The following TCF12 variants were observed in gnomAD, a reference collection of about 807,000 sequenced individuals.
The protein encoded by TCF12 is DNA-binding protein HTF4.
In TCF12, 45 loss-of-function variants were observed where a neutral mutation model predicts 86.0. That is an observed-to-expected ratio of 0.52 (90% CI 0.41 to 0.67). The LOEUF is 0.67. Ranked by LOEUF, TCF12 falls within the 30% of genes least tolerant of loss-of-function variation. The probability of loss-of-function intolerance (pLI) is 0.00; values close to 1 mark genes in which losing one functional copy is unlikely to be tolerated. For missense variants in TCF12, 881 were observed against 859.9 expected (o/e 1.02, Z -0.31); for synonymous variants, 330 against 299.6 (o/e 1.10, Z -1.05).
intron 5 of TCF12, among the ~76,000 whole-genome samples, chr15:57,117,405 A>G (rs1268051756): frequency 6.6e-6 from 1 of 152,222 alleles, no homozygotes; most frequent in Non-Finnish European, 1.5e-5. Flanking sequence ...ACTAGTAAAA[A>G]TTAGGTCTAT....
In TCF12 at chr15:56,966,117, C is replaced by T. The variant is rs1642784788; in HGVS notation, c.148+45019C>T. ...TTGATTATATGCTAATCTTTTTACA[C>T]TAGTGTGCATTTATATGTAGCATTT... On this transcript the variant is annotated intron_variant, in intron 3 of 20. Coordinates refer to ENST00000333725, the MANE Select transcript of TCF12 (RefSeq NM_207037.2). Among the ~76,000 whole-genome samples the T allele has an allele frequency of 2.6e-5, 4 of 152,128 alleles. No homozygotes were observed. The South Asian group carries it at 8.3e-4, about 32-fold the overall frequency.
intron 6 of TCF12, among the ~76,000 whole-genome samples, chr15:57,173,921 G>A (rs1193111160): frequency 2.6e-5 from 4 of 151,732 alleles, no homozygotes; most frequent in South Asian, 2.1e-4. Flanking sequence ...TTGGCCAGGC[G>A]GGTCTCAAAC....
At chr15:57,216,285 G>C (rs1401456067) in intron 8 of TCF12, among the ~76,000 whole-genome samples, 1 of 152,128 alleles carries the variant, frequency 6.6e-6, no homozygotes, top group East Asian at 1.9e-4. Flanking sequence ...CATTTTGCTA[G>C]TGTGTACAAT....
chr15:57,091,021 A>G (rs28712697), intron 4 of TCF12, among the ~76,000 whole-genome samples: 37,677 of 152,124 alleles, frequency 0.25, 5,520 homozygotes, highest in East Asian at 0.4. Flanking sequence ...GTTTTAAACT[A>G]TAAGGAGAAA....
intron 6 of TCF12, among the ~76,000 whole-genome samples, chr15:57,177,608 C>CAGAGAGAGAGAGAGAGAGAGAG (rs11270421): frequency 0.03 from 3,739 of 122,792 alleles, 260 homozygotes; most frequent in Middle Eastern, 0.04. Flanking sequence ...GTTAAAAGGC[C>CAGAGAGAGAGAGAGAGAGAGAG]AGAGAGAGAG....
chr15:57,080,349 C>T (rs1257021133), intron 4 of TCF12, among the ~76,000 whole-genome samples: 2 of 152,182 alleles, frequency 1.3e-5, no homozygotes, highest in African/African-American at 4.8e-5. Context: ...AGCAGGGGTA[C>T]TGTCTGCCTT....
chr15:57,086,804 C>T (rs1248355190), intron 4 of TCF12, among the ~76,000 whole-genome samples: 3 of 147,554 alleles, frequency 2.0e-5, no homozygotes, highest in Non-Finnish European at 4.5e-5. Context: ...GATTTTCATA[C>T]AAAGAAATAA....
chr15:57,178,848 C>T (rs1213851935), intron 6 of TCF12, among the ~76,000 whole-genome samples: 5 of 152,150 alleles, frequency 3.3e-5, no homozygotes, highest in Non-Finnish European at 5.9e-5. Flanking sequence ...CTATACATTC[C>T]TAAAGGAAAG....
chr15:57,067,961 TG>T (rs1452640664), intron 4 of TCF12, among the ~76,000 whole-genome samples: 12 of 152,218 alleles, frequency 7.9e-5, no homozygotes, highest in Non-Finnish European at 1.6e-4. Context: ...ATAGAAATGT[TG>T]GTGTACCAGG....
chr15:57,030,921 A>T (rs2066137031), intron 3 of TCF12, among the ~76,000 whole-genome samples: 2 of 152,228 alleles, frequency 1.3e-5, no homozygotes, highest in African/African-American at 4.8e-5. Flanking sequence ...GTTTTGACTG[A>T]CCAAGCTTTA....
At chr15:57,188,170 A>T (rs1597171278) in intron 6 of TCF12, among the ~76,000 whole-genome samples, 1 of 152,320 alleles carries the variant, frequency 6.6e-6, no homozygotes, top group East Asian at 1.9e-4. Context: ...AACTCCATTT[A>T]CAATAGTATT....
intron 3 of TCF12, among the ~76,000 whole-genome samples, chr15:56,994,699 G>A (rs1017283452): frequency 2.0e-5 from 3 of 152,220 alleles, no homozygotes; most frequent in Non-Finnish European, 2.9e-5. Flanking sequence ...GAAAAGAACT[G>A]TTTATAACTA....
At chr15:57,121,016 C>T (rs1418882334) in intron 5 of TCF12, among the ~76,000 whole-genome samples, 1 of 152,162 alleles carries the variant, frequency 6.6e-6, no homozygotes, top group Non-Finnish European at 1.5e-5. Context: ...TGCCTGTTGT[C>T]TCTCCTCTGC....
At chr15:57,166,764 C>T (rs186490598) in intron 6 of TCF12, among the ~76,000 whole-genome samples, 103 of 152,278 alleles carry the variant, frequency 6.8e-4, no homozygotes, top group Non-Finnish European at 1.1e-3. Context: ...TCACAGAAAA[C>T]GTAATTGGTG....
chr15:57,126,839 C>G (rs1052912580), intron 5 of TCF12, among the ~76,000 whole-genome samples: 6 of 152,128 alleles, frequency 3.9e-5, no homozygotes, highest in African/African-American at 1.4e-4. Flanking sequence ...TATCAAGATT[C>G]TTTGTAATTG....
chr15:56,930,701 T>A (rs532332597), intron 3 of TCF12, among the ~76,000 whole-genome samples: 130 of 140,998 alleles, frequency 9.2e-4, no homozygotes, highest in Middle Eastern at 3.5e-3. Flanking sequence ...AAGTATCAGC[T>A]AGTTTTTTTT....
intron 6 of TCF12, among the ~76,000 whole-genome samples, chr15:57,178,978 G>A (rs2056147870): frequency 6.6e-6 from 1 of 151,364 alleles, no homozygotes; most frequent in African/African-American, 2.4e-5. Context: ...CTACATCCCG[G>A]ATCTCTCTAC....
At chr15:56,984,296 A>ATGTGTGTGTGT (rs2063065926) in intron 3 of TCF12, among the ~76,000 whole-genome samples, 1 of 67,486 alleles carries the variant, frequency 1.5e-5, no homozygotes, top group Non-Finnish European at 3.2e-5. Context: ...GTGTGTGTGA[A>ATGTGTGTGTGT]GGGTGGAGAG....
chr15:57,245,714 AT>A (rs1325572139), intron 13 of TCF12, among the ~76,000 whole-genome samples: 6 of 152,154 alleles, frequency 3.9e-5, no homozygotes, highest in African/African-American at 1.4e-4. Context: ...CTTCATCTTT[AT>A]TTGATATTTA....
Sources: gnomAD v4.1 joint callset for allele counts (sites outside exome capture counted in the v4.1 genomes callset) on GRCh38, gnomAD v4.1.1 for gene constraint, MANE v1.5 for transcripts, NCBI Gene and HGNC (gene_info 2026-07-23, HGNC 2026-07-21) for gene names.